TLE1: variants seen among roughly 807,000 people sequenced by gnomAD.
The protein encoded by TLE1 is TLE family member 1, transcriptional corepressor.
In TLE1, 21 loss-of-function variants were observed where a neutral mutation model predicts 89.8. The observed-to-expected ratio is 0.23, with a 90% CI of 0.17 to 0.34. TLE1 has a LOEUF of 0.34. Among genes scored for constraint, TLE1 ranks in the 10% least tolerant of loss-of-function variants. TLE1 has a pLI of 1.00. For missense variants in TLE1, 795 were observed against 1,031.2 expected, an observed-to-expected ratio of 0.77 and a Z score of 3.14; for synonymous variants, 447 against 407.6, an observed-to-expected ratio of 1.10 and a Z score of -1.16.
chr9:81,677,889 T>C (rs1255338233), intron 4 of TLE1, among the ~76,000 whole-genome samples: 1 of 152,216 alleles, frequency 6.6e-6, no homozygotes, highest in African/African-American at 2.4e-5. Flanking sequence ...CCTTCCAGCG[T>C]ACAGTGGTGT....
At chr9:81,618,264 G>A (rs1211228345) in intron 9 of TLE1, among the ~76,000 whole-genome samples, 1 of 152,166 alleles carries the variant, frequency 6.6e-6, no homozygotes, top group African/African-American at 2.4e-5. Flanking sequence ...TGTTGTCAGT[G>A]AAGAATATAG....
intron 4 of TLE1, among the ~76,000 whole-genome samples, chr9:81,671,591 G>C (rs1296877241): frequency 2.0e-5 from 3 of 151,434 alleles, no homozygotes; most frequent in Admixed American, 6.6e-5. Context: ...CTTGCAGTGA[G>C]CCAAGATTGC....
chr9:81,651,153 G>A (rs576575102), intron 6 of TLE1, among the ~76,000 whole-genome samples: 1 of 152,238 alleles, frequency 6.6e-6, no homozygotes, highest in African/African-American at 2.4e-5. Context: ...AGTGTCTGAG[G>A]GAACTATAAA....
intron 8 of TLE1, among the ~76,000 whole-genome samples, chr9:81,629,297 CTTAAA>C (rs71885823): frequency 0.15 from 23,451 of 151,794 alleles, 2,613 homozygotes; most frequent in East Asian, 0.5. Context: ...GCAATTTATC[CTTAAA>C]TTAATTAAAA....
Position 81,634,254 on chromosome 9 carries a change from TG to T in TLE1, c.419del (p.Pro140GlnfsTer32). The T allele has an allele frequency of 6.4e-7, 1 of 1,565,242 alleles. No individual in the cohort carries two copies. ...CCGAAGGGTGAGGCGTAAGGGGAACTGGGGGTCCGTGGCCATGAGAAAGATG... is the reference window on the plus strand; with the variant it reads ...CCGAAGGGTGAGGCGTAAGGGGAACTGGGGTCCGTGGCCATGAGAAAGATG... Reference protein sequence around the residue: ...AQHLSHGHGPPVPLTPHPSGL... With the variant: ...AQHLSHGHGPXVPLTPHPSGL... On this transcript the variant is annotated frameshift_variant, in exon 7 of 20. Transcript: ENST00000376499. LOFTEE classifies it high-confidence loss of function.
At chr9:81,628,288 C>G (rs539866452) in intron 8 of TLE1, among the ~76,000 whole-genome samples, 4 of 152,114 alleles carry the variant, frequency 2.6e-5, no homozygotes, top group Non-Finnish European at 5.9e-5. Flanking sequence ...ATAGATGGGA[C>G]TAGGAAGGCA....
chr9:81,662,694 G>T (rs184464772), intron 4 of TLE1, among the ~76,000 whole-genome samples: 1 of 148,572 alleles, frequency 6.7e-6, no homozygotes, highest in African/African-American at 2.5e-5. Flanking sequence ...GTGAAACTCC[G>T]TATCAAAAAA....
intron 4 of TLE1, among the ~76,000 whole-genome samples, chr9:81,661,146 A>C (rs992424453): frequency 1.4e-5 from 2 of 146,488 alleles, no homozygotes; most frequent in African/African-American, 2.5e-5. Flanking sequence ...AATAAAAATA[A>C]ATAAAAATAA....
chr9:81,683,120 C>T (rs190362956), intron 4 of TLE1, among the ~76,000 whole-genome samples: 16 of 152,190 alleles, frequency 1.1e-4, no homozygotes, highest in Admixed American at 8.5e-4. Flanking sequence ...GAACTCACTC[C>T]GACAAACCCG....
At chr9:81,651,573 T>C (rs1205907038) in intron 6 of TLE1, among the ~76,000 whole-genome samples, 1 of 152,050 alleles carries the variant, frequency 6.6e-6, no homozygotes, top group Non-Finnish European at 1.5e-5. Flanking sequence ...TAAAAATTCA[T>C]GAAAGAGGCA....
chr9:81,660,256 CTT>C (rs752687336), intron 4 of TLE1, among the ~76,000 whole-genome samples: 8 of 151,444 alleles, frequency 5.3e-5, no homozygotes, highest in Non-Finnish European at 8.8e-5. Flanking sequence ...TGAACCAAAA[CTT>C]AATCTCCATG....
intron 4 of TLE1, among the ~76,000 whole-genome samples, chr9:81,669,966 G>A (rs1226631515): frequency 6.6e-6 from 1 of 152,068 alleles, no homozygotes; most frequent in Non-Finnish European, 1.5e-5. Context: ...TCAGGTAAGT[G>A]CCACTGCCAA....
chr9:81,648,609 A>C (rs1829164116), intron 6 of TLE1, among the ~76,000 whole-genome samples: 1 of 152,226 alleles, frequency 6.6e-6, no homozygotes, highest in African/African-American at 2.4e-5. Flanking sequence ...ATCCCAACTG[A>C]AATCAATTAT....
At position 81,660,978 on chromosome 9, in the gene TLE1, C is replaced by CACACACAAA. The variant is rs140689682; in HGVS notation, c.235-6943_235-6942insTTTGTGTGT. On this transcript the variant is annotated intron_variant, in intron 4 of 19. Coordinates refer to ENST00000376499, the MANE Select transcript of TLE1 (RefSeq NM_005077.5). ...ACACACACACACACACACACACACA[C>CACACACAAA]ATTTAGCCTGGCGTGGTGGCACGTG... Among the ~76,000 whole-genome samples the CACACACAAA allele has an allele frequency of 7.5e-4, 91 of 121,828 alleles. 1 individual carries two copies. The East Asian group carries it at 0.016, about 21-fold the overall frequency. 79.9% of individuals were successfully genotyped at this position (121,828 alleles called of 152,430 possible).
intron 6 of TLE1, among the ~76,000 whole-genome samples, 187 bp from the exon 7 acceptor site, chr9:81,634,488 G>A (rs1019767602): frequency 3.3e-5 from 5 of 151,976 alleles, no homozygotes; most frequent in African/African-American, 1.2e-4. Flanking sequence ...GAAAAAATGC[G>A]ATTAGTGCTT....
At chr9:81,686,110 T>C (rs1834241348) in intron 2 of TLE1, among the ~76,000 whole-genome samples, 1 of 152,208 alleles carries the variant, frequency 6.6e-6, no homozygotes, top group African/African-American at 2.4e-5. Context: ...TTCTTCTTGG[T>C]GCCTATCTGG....
At chr9:81,638,728 G>C (rs895917419) in intron 6 of TLE1, among the ~76,000 whole-genome samples, 2 of 151,968 alleles carry the variant, frequency 1.3e-5, no homozygotes, top group Admixed American at 1.3e-4. Flanking sequence ...GGGTTCAAGC[G>C]ATTCTCCTGC....
chr9:81,607,801 G>A (rs956411557), intron 14 of TLE1, among the ~76,000 whole-genome samples: 3 of 152,248 alleles, frequency 2.0e-5, no homozygotes, highest in Middle Eastern at 3.4e-3. Flanking sequence ...GTACTCAACT[G>A]GAAGAGAACT....
chr9:81,614,451 G>A (rs1824150670), intron 11 of TLE1, among the ~76,000 whole-genome samples: 1 of 152,152 alleles, frequency 6.6e-6, no homozygotes, highest in South Asian at 2.1e-4. Context: ...GACAGTAACA[G>A]GGTTACAGGG....
Sources: gnomAD v4.1 joint callset for allele counts (sites outside exome capture counted in the v4.1 genomes callset) on GRCh38, gnomAD v4.1.1 for gene constraint, MANE v1.5 for transcripts, NCBI Gene and HGNC (gene_info 2026-07-23, HGNC 2026-07-21) for gene names.